The following CPSF4 variants were observed in gnomAD, a reference collection of about 807,000 sequenced individuals.
CPSF4 encodes cleavage and polyadenylation specific factor 4.
Under a neutral mutation model 37.7 loss-of-function variants are expected in CPSF4, and 11 were observed. That is an observed-to-expected ratio of 0.29 (90% CI 0.18 to 0.48). CPSF4 has a LOEUF of 0.48. Ranked by LOEUF, CPSF4 falls within the 20% of genes least tolerant of loss-of-function variation. CPSF4 has a pLI of 0.99. For synonymous variants in CPSF4, 132 were observed against 135.9 expected (o/e 0.97, Z 0.20); for missense variants, 144 against 359.5 (o/e 0.40, Z 4.85).
chr7:99,452,502 G>A, intron 6 of CPSF4, 62 bp downstream of exon 6: 1 of 1,454,334 alleles, frequency 6.9e-7, no homozygotes, highest in Non-Finnish European at 9.6e-7. Flanking sequence ...GAACCTCAGT[G>A]TCCCCCAGGG....
intron 2 of CPSF4, 39 bp downstream of exon 2, chr7:99,444,878 G>A (rs747779253): frequency 2.3e-5 from 36 of 1,581,084 alleles, no homozygotes; most frequent in African/African-American, 1.2e-4. Flanking sequence ...CTCCGGAGGC[G>A]CCCTCCCACC....
At chr7:99,439,485 A>C (rs768351339) in intron 1 of CPSF4, 40 of 325,630 alleles carry the variant, frequency 1.2e-4, no homozygotes, top group Non-Finnish European at 1.8e-4. Flanking sequence ...CCTTGGTTTC[A>C]GGACTCCTGA....
Position 99,444,824 on chromosome 7 carries a change from G to A in CPSF4, c.139G>A (p.Ala47Thr). Residue 47 changes from alanine (A) to threonine (T), a missense_variant, in exon 2 of 8, where the codon GCT becomes ACT. By Grantham distance (58) the Ala-to-Thr change is moderately conservative (BLOSUM62 0). Transcript: ENST00000292476. ...GAAVCEFFLKAACGKGGMCPF... is the reference protein window; with the variant it reads ...GAAVCEFFLKTACGKGGMCPF... ...TGCTGTCTGTGAATTCTTTTTGAAAGCTGCCTGCGGCAAAGGTAAGAAACT... is the reference window on the plus strand; with the variant it reads ...TGCTGTCTGTGAATTCTTTTTGAAAACTGCCTGCGGCAAAGGTAAGAAACT... 1.2e-6 allele frequency: 2 copies of A among 1,613,726 alleles called. No individual in the cohort carries two copies. Among genetic ancestry groups the A allele is most frequent in the Non-Finnish European group, 1.7e-6 (2 of 1,179,838 alleles).
In CPSF4 at chr7:99,456,814, AGGTAGTTCTGTGTGGC is replaced by A. The variant is rs1279029602; in HGVS notation, c.*318_*333del. ...GCAGCTGCTGGGGAGGGGCTTGGCT[AGGTAGTTCTGTGTGGC>A]GGTGGTCATTCCCCTCATTAAACAC... On this transcript the variant is annotated 3_prime_UTR_variant, in exon 8 of 8. Coordinates refer to ENST00000292476, the MANE Select transcript of CPSF4 (RefSeq NM_006693.4). 1.7e-5 allele frequency: 8 copies of A among 459,380 alleles called. No individual in the cohort carries two copies. In the Admixed American group the frequency reaches 2.7e-4, roughly 15 times the overall value. 28.5% of individuals were successfully genotyped at this position (459,380 alleles called of 1,614,324 possible). A position where few individuals can be genotyped will look rare whatever the true frequency, so the allele number is the denominator to read the frequency against.
chr7:99,457,065 C>T lies in CPSF4; in HGVS notation c.*565C>T, dbSNP rs78391420. ...AGCGGTTGAGGAGGGGTACAGGGCT[C>T]TCAAGCCTGAGGTTTTCTTCTCTGG... On this transcript the variant is annotated 3_prime_UTR_variant, in exon 8 of 8. Coordinates refer to ENST00000292476, the MANE Select transcript of CPSF4 (RefSeq NM_006693.4). 129 of 194,242 alleles carry T rather than the reference C, an allele frequency of 6.6e-4. 3 individuals carry two copies. In the East Asian group the frequency reaches 0.015, roughly 23 times the overall value. 12.0% of individuals were successfully genotyped at this position (194,242 alleles called of 1,614,324 possible). A position where few individuals can be genotyped will look rare whatever the true frequency, so the allele number is the denominator to read the frequency against.
intron 1 of CPSF4, 96 bp from the exon 2 acceptor site, chr7:99,444,693 G>C (rs1797328858): frequency 1.7e-6 from 2 of 1,189,794 alleles, no homozygotes; most frequent in South Asian, 1.3e-5. Flanking sequence ...CCCTTGGTGG[G>C]TCAGAGGTCA....
At chr7:99,455,026 GC>G (rs1178658185) in intron 7 of CPSF4, among the ~76,000 whole-genome samples, 2 of 152,108 alleles carry the variant, frequency 1.3e-5, no homozygotes, top group Non-Finnish European at 2.9e-5. Context: ...CTGCACTCCA[GC>G]CTGGGCAACA....
At chr7:99,444,950 TA>T in intron 2 of CPSF4, 111 bp downstream of exon 2, 1 of 918,042 alleles carries the variant, frequency 1.1e-6, no homozygotes, top group Admixed American at 1.9e-5. Context: ...TTCTACAGAC[TA>T]ACGATCTCTG....
rs1178953439 is a variant in CPSF4, at chr7:99,439,341, A to G, written c.103+156A>G. ...CTTTGGTCGCAGGACTCCTCCCTCT[A>G]GGTCTTGAGAGTCCCTCCCACCTCC... On this transcript the variant is annotated intron_variant, in intron 1 of 7. Transcript: ENST00000292476. The G allele has an allele frequency of 1.1e-5, 6 of 551,266 alleles. 1 individual carries two copies. Among genetic ancestry groups the G allele is most frequent in the Non-Finnish European group, 1.9e-5 (6 of 316,330 alleles). 34.1% of individuals were successfully genotyped at this position (551,266 alleles called of 1,614,324 possible). A position where few individuals can be genotyped will look rare whatever the true frequency, so the allele number is the denominator to read the frequency against.
intron 1 of CPSF4, among the ~76,000 whole-genome samples, chr7:99,444,319 T>C (rs1272752053): frequency 6.6e-6 from 1 of 152,120 alleles, no homozygotes; most frequent in East Asian, 1.9e-4. Context: ...TAGCCAAGCG[T>C]GGTGGCAGGC....
intron 1 of CPSF4, among the ~76,000 whole-genome samples, chr7:99,440,947 CTTTTTT>C (rs555082595): frequency 1.7e-5 from 2 of 120,280 alleles, no homozygotes; most frequent in East Asian, 4.6e-4. Context: ...CTTTTCCTGT[CTTTTTT>C]TTTTTTTTTT....
intron 1 of CPSF4, among the ~76,000 whole-genome samples, chr7:99,440,182 A>C (rs1796763969): frequency 6.6e-6 from 1 of 152,164 alleles, no homozygotes; most frequent in Non-Finnish European, 1.5e-5. Context: ...CTTGCTGACA[A>C]TCACTCAGTG....
Position 99,440,674 on chromosome 7 carries a change from A to ATATATATTTTTTTTTTT in CPSF4, c.103+1490_103+1491insATATATTTTTTTTTTTT. ...ACCTGGCATATATATATATATATATATTTTTTTTTTTTTTTTTTTCCTGCC... is the reference window on the plus strand; with the variant it reads ...ACCTGGCATATATATATATATATATATATATATTTTTTTTTTTTTTTTTTTTTTTTTTTTTTCCTGCC... On this transcript the variant is annotated intron_variant, in intron 1 of 7. Transcript: ENST00000292476. Among the ~76,000 whole-genome samples the ATATATATTTTTTTTTTT allele has an allele frequency of 5.7e-5, 5 of 88,086 alleles. No homozygotes were observed. The East Asian group carries it at 1.0e-3, about 18-fold the overall frequency. 57.8% of individuals were successfully genotyped at this position (88,086 alleles called of 152,430 possible).
intron 1 of CPSF4, among the ~76,000 whole-genome samples, chr7:99,439,916 C>T (rs2150969748): frequency 6.6e-6 from 1 of 152,242 alleles, no homozygotes; most frequent in African/African-American, 2.4e-5. Context: ...AGTTATTCAT[C>T]ACACCCAGCA....
chr7:99,445,971 A>G (rs1432872142), intron 2 of CPSF4, among the ~76,000 whole-genome samples: 4 of 152,242 alleles, frequency 2.6e-5, no homozygotes, highest in African/African-American at 9.6e-5. Context: ...TTCTCCCTGT[A>G]GGAAAATTTA....
chr7:99,449,383 A>AGCAGCACTGGG (rs1797779664), intron 3 of CPSF4, among the ~76,000 whole-genome samples: 2 of 152,186 alleles, frequency 1.3e-5, no homozygotes, highest in Admixed American at 6.5e-5. Flanking sequence ...CCTTGCCCAT[A>AGCAGCACTGGG]GCAGCACTGG....
At chr7:99,444,255 G>C (rs535159299) in intron 1 of CPSF4, among the ~76,000 whole-genome samples, 11 of 152,086 alleles carry the variant, frequency 7.2e-5, no homozygotes, top group Non-Finnish European at 1.5e-4. Context: ...TCAAGAGTTC[G>C]AGACCAGCCT....
At chr7:99,455,375 CAG>C (rs953472999) in intron 7 of CPSF4, among the ~76,000 whole-genome samples, 11 of 152,170 alleles carry the variant, frequency 7.2e-5, no homozygotes, top group Non-Finnish European at 1.3e-4. Context: ...CCTCTCCATA[CAG>C]AGTCACACCT....
intron 7 of CPSF4, among the ~76,000 whole-genome samples, chr7:99,455,594 T>A (rs1798253017): frequency 6.6e-6 from 1 of 152,204 alleles, no homozygotes; most frequent in Admixed American, 6.5e-5. Flanking sequence ...GCAGAGCCCC[T>A]CAGGGCAGCA....
Sources: allele counts gnomAD v4.1 joint callset (sites outside exome capture counted in the v4.1 genomes callset), GRCh38; gene constraint gnomAD v4.1.1; transcripts MANE v1.5; gene names NCBI Gene and HGNC (gene_info 2026-07-23, HGNC 2026-07-21).